PRKN: variants seen among roughly 807,000 people sequenced by gnomAD.
PRKN encodes E3 ubiquitin-protein ligase parkin.
PRKN carries 56 observed loss-of-function variants against 59.5 expected under a neutral mutation model. The observed-to-expected ratio is 0.94, with a 90% CI of 0.76 to 1.18. The LOEUF is 1.18. PRKN is among the 50% of genes most tolerant of loss of function. The pLI, the probability that PRKN is intolerant of heterozygous loss-of-function variation, is 0.00. For missense variants in PRKN, 657 were observed against 596.4 expected (o/e 1.10, Z -1.06); for synonymous variants, 250 against 222.1 (o/e 1.13, Z -1.12).
intron 5 of PRKN, among the ~76,000 whole-genome samples, chr6:162,001,847 C>CTTTT (rs35789599): frequency 1.7e-5 from 2 of 116,616 alleles, no homozygotes; most frequent in Non-Finnish European, 1.8e-5. Flanking sequence ...TTGCAAATAG[C>CTTTT]TTTTTTTTTT....
intron 1 of PRKN, among the ~76,000 whole-genome samples, chr6:162,451,174 A>G (rs1790605096): frequency 6.6e-6 from 1 of 152,156 alleles, no homozygotes; most frequent in Admixed American, 6.5e-5. Flanking sequence ...TACAGAATTC[A>G]GTGTCTCCAG....
intron 4 of PRKN, among the ~76,000 whole-genome samples, chr6:162,188,969 G>C (rs1299505990): frequency 6.6e-6 from 1 of 152,064 alleles, no homozygotes; most frequent in South Asian, 2.1e-4. Context: ...TCTTCTATAG[G>C]AGGGAATTGA....
At position 162,072,860 on chromosome 6, in the gene PRKN, T is replaced by C. The variant is rs918187246; in HGVS notation, c.535-18686A>G. On this transcript the variant is annotated intron_variant, in intron 4 of 11. Coordinates refer to ENST00000366898, the MANE Select transcript of PRKN (RefSeq NM_004562.3). ...AAATGAGATAAAGTAGTTAGCAAAA[T>C]ACCACACGCATAGTGAATATTCGAT... 8.0e-4 allele frequency among the ~76,000 whole-genome samples: 122 copies of C among 152,144 alleles called. 1 individual carries two copies. Among genetic ancestry groups the C allele is most frequent in the African/African-American group, 2.4e-5 (1 of 41,432 alleles).
intron 1 of PRKN, among the ~76,000 whole-genome samples, chr6:162,572,249 A>G (rs1452954273): frequency 6.6e-6 from 1 of 152,208 alleles, no homozygotes; most frequent in African/African-American, 2.4e-5. Context: ...ATTATTGCTT[A>G]CTATGATCTC....
chr6:162,067,759 T>A (rs1403515216), intron 4 of PRKN, among the ~76,000 whole-genome samples: 1 of 152,132 alleles, frequency 6.6e-6, no homozygotes, highest in East Asian at 1.9e-4. Context: ...CAAAACAAGG[T>A]GGGCAGTGCC....
chr6:162,491,520 C>T (rs1268289243), intron 1 of PRKN, among the ~76,000 whole-genome samples: 3 of 152,182 alleles, frequency 2.0e-5, no homozygotes, highest in Admixed American at 1.3e-4. Context: ...CCAGACAGCA[C>T]CTGACTGCAG....
chr6:161,743,590 C>T (rs1175301041), intron 7 of PRKN, among the ~76,000 whole-genome samples: 2 of 151,786 alleles, frequency 1.3e-5, no homozygotes, highest in African/African-American at 4.8e-5. Context: ...ACCCTCCAAC[C>T]CAACATATAA....
At chr6:162,213,151 A>G (rs1777464206) in intron 3 of PRKN, among the ~76,000 whole-genome samples, 1 of 152,138 alleles carries the variant, frequency 6.6e-6, no homozygotes, top group African/African-American at 2.4e-5. Context: ...GTTGTTTGGG[A>G]AAAGGGAGAA....
At chr6:161,933,090 G>C (rs1779226396) in intron 6 of PRKN, among the ~76,000 whole-genome samples, 1 of 152,126 alleles carries the variant, frequency 6.6e-6, no homozygotes, top group Non-Finnish European at 1.5e-5. Flanking sequence ...GACCAGCCTG[G>C]CTAACATGGT....
At chr6:161,489,044 G>C (rs1019456579) in intron 9 of PRKN, among the ~76,000 whole-genome samples, 2 of 152,126 alleles carry the variant, frequency 1.3e-5, no homozygotes, top group African/African-American at 4.8e-5. Context: ...AGAGTTTTCA[G>C]AATTCTCACA....
rs538620651 is a variant in PRKN, at chr6:162,559,922, C to T, written c.8-116449G>A. 4.6e-5 allele frequency among the ~76,000 whole-genome samples: 7 copies of T among 152,270 alleles called. No individual in the cohort carries two copies. In the East Asian group the frequency reaches 7.7e-4, roughly 17 times the overall value. ...AGGTCCTAAATTTTTCAAACTAGTG[C>T]CACCTAATCTGTGACCATGGCTAAA... On this transcript the variant is annotated intron_variant, in intron 1 of 11. Coordinates refer to ENST00000366898, the MANE Select transcript of PRKN (RefSeq NM_004562.3).
intron 1 of PRKN, among the ~76,000 whole-genome samples, chr6:162,564,069 G>T (rs1180405909): frequency 6.6e-6 from 1 of 152,026 alleles, no homozygotes; most frequent in African/African-American, 2.4e-5. Flanking sequence ...TAATTGGGCT[G>T]GGTGCGGTGG....
chr6:162,010,157 G>C lies in PRKN; in HGVS notation c.619-36740C>G, dbSNP rs556243891. Among the ~76,000 whole-genome samples the C allele has an allele frequency of 1.8e-4, 26 of 145,750 alleles. No individual in the cohort carries two copies. In the South Asian group the frequency reaches 5.5e-3, roughly 31 times the overall value. ...TTCCTCTGGCTCGTGTTAGCACAGG[G>C]AGACCCCTCGCAGAATCAATCAATT... On this transcript the variant is annotated intron_variant, in intron 5 of 11. Transcript: ENST00000366898.
At chr6:161,657,813 G>C (rs550684578) in intron 7 of PRKN, among the ~76,000 whole-genome samples, 77 of 152,034 alleles carry the variant, frequency 5.1e-4, no homozygotes, top group African/African-American at 1.7e-3. Context: ...ATCACTTTAG[G>C]CCAGGAGTTG....
intron 1 of PRKN, among the ~76,000 whole-genome samples, chr6:162,476,390 G>A (rs1001619182): frequency 1.3e-5 from 2 of 152,112 alleles, no homozygotes; most frequent in South Asian, 2.1e-4. Flanking sequence ...TTGAGGGTAG[G>A]GTTCACAACT....
chr6:161,844,606 G>T lies in PRKN; in HGVS notation c.735-58698C>A, dbSNP rs57346947. On this transcript the variant is annotated intron_variant, in intron 6 of 11. Transcript: ENST00000366898. Reference sequence around the variant, plus strand: ...TTATTGAATTTTAATTAATTTTTAAGGCTAATTTAAAGAGCTACATGCTGC... The same window carrying T: ...TTATTGAATTTTAATTAATTTTTAATGCTAATTTAAAGAGCTACATGCTGC... Among the ~76,000 whole-genome samples, 1,872 of 152,322 alleles carry T rather than the reference G, an allele frequency of 0.012. 57 individuals are homozygous for T. In the East Asian group the frequency reaches 0.13, roughly 10 times the overall value.
intron 5 of PRKN, among the ~76,000 whole-genome samples, chr6:161,975,043 T>A (rs1261609974): frequency 6.6e-6 from 1 of 152,168 alleles, no homozygotes; most frequent in Non-Finnish European, 1.5e-5. Context: ...CATATTTGTA[T>A]TCTAACAGTG....
intron 1 of PRKN, chr6:162,569,804 G>A (rs557559730): frequency 2.1e-4 from 97 of 462,706 alleles, no homozygotes; most frequent in South Asian, 1.3e-3. Flanking sequence ...GCTGTGCAGC[G>A]GAGCACAGGG....
chr6:162,308,898 T>C (rs899642317), intron 2 of PRKN, among the ~76,000 whole-genome samples: 1 of 152,134 alleles, frequency 6.6e-6, no homozygotes, highest in Non-Finnish European at 1.5e-5. Flanking sequence ...GGTTTTTTTT[T>C]CCTAGCATAG....
Sources: gnomAD v4.1 joint callset for allele counts (sites outside exome capture counted in the v4.1 genomes callset) on GRCh38, gnomAD v4.1.1 for gene constraint, MANE v1.5 for transcripts, NCBI Gene and HGNC (gene_info 2026-07-23, HGNC 2026-07-21) for gene names.